GALM: variants seen among roughly 807,000 people sequenced by gnomAD.
The protein encoded by GALM is aldose 1-epimerase.
GALM carries 43 observed loss-of-function variants against 37.4 expected under a neutral mutation model. The ratio of observed to expected loss-of-function variants is 1.15; its 90% CI spans 0.90 to 1.48. The LOEUF is 1.48. Among genes scored for constraint, GALM ranks in the 40% most tolerant of loss-of-function variants. The pLI is 0.00. For synonymous variants in GALM, 199 were observed against 170.6 expected, an observed-to-expected ratio of 1.17 and a Z score of -1.30; for missense variants, 456 against 419.1, an observed-to-expected ratio of 1.09 and a Z score of -0.77.
At chr2:38,705,449 G>A (rs112471448) in intron 4 of GALM, among the ~76,000 whole-genome samples, 4 of 152,228 alleles carry the variant, frequency 2.6e-5, no homozygotes, top group African/African-American at 9.6e-5. Context: ...AGAACCTAAT[G>A]TGGTCAGAGC....
intron 4 of GALM, among the ~76,000 whole-genome samples, chr2:38,703,052 TTTTATA>T (rs1422166951): frequency 6.3e-5 from 2 of 31,664 alleles, no homozygotes; most frequent in African/African-American, 2.1e-4. Context: ...ATATGTGGGA[TTTTATA>T]TATATATATA....
intron 4 of GALM, among the ~76,000 whole-genome samples, chr2:38,717,105 C>T (rs1403298696): frequency 2.0e-5 from 3 of 152,018 alleles, no homozygotes; most frequent in Non-Finnish European, 4.4e-5. Flanking sequence ...ACAAAATTAG[C>T]TAGGCGTGGG....
At chr2:38,700,531 C>A (rs1452150327) in intron 4 of GALM, among the ~76,000 whole-genome samples, 1 of 151,952 alleles carries the variant, frequency 6.6e-6, no homozygotes, top group Non-Finnish European at 1.5e-5. Context: ...TCTGTTTCAT[C>A]TGATACAAGT....
At chr2:38,720,756 G>C (rs1666360123) in intron 4 of GALM, among the ~76,000 whole-genome samples, 1 of 152,182 alleles carries the variant, frequency 6.6e-6, no homozygotes, top group Non-Finnish European at 1.5e-5. Context: ...CTGTTGGCTG[G>C]AGGCCTTGCT....
chr2:38,677,756 G>C (rs1665293540), intron 2 of GALM, among the ~76,000 whole-genome samples: 1 of 152,124 alleles, frequency 6.6e-6, no homozygotes. Context: ...TGAAGCAGGG[G>C]GCACAGTAGG....
At chr2:38,715,293 T>G (rs1470994899) in intron 4 of GALM, among the ~76,000 whole-genome samples, 1 of 152,254 alleles carries the variant, frequency 6.6e-6, no homozygotes, top group Non-Finnish European at 1.5e-5. Context: ...TATACTTGGG[T>G]CTTGCTTTTA....
At chr2:38,706,351 G>A (rs1242758269) in intron 4 of GALM, among the ~76,000 whole-genome samples, 1 of 150,952 alleles carries the variant, frequency 6.6e-6, no homozygotes, top group East Asian at 2.0e-4. Flanking sequence ...TCTAAGCTGG[G>A]AACTGACCTG....
chr2:38,682,620 G>C (rs1215444510), intron 3 of GALM, among the ~76,000 whole-genome samples: 1 of 152,184 alleles, frequency 6.6e-6, no homozygotes, highest in Non-Finnish European at 1.5e-5. Flanking sequence ...AACAAGGCCA[G>C]GTGCTGTGGC....
chr2:38,698,283 A>T (rs1214357423), intron 4 of GALM: 2 of 555,982 alleles, frequency 3.6e-6, no homozygotes, highest in Non-Finnish European at 6.1e-6. Context: ...TCTGTAGATG[A>T]AATTCCGGCA....
At chr2:38,670,721 A>G (rs997311688) in intron 1 of GALM, among the ~76,000 whole-genome samples, 1 of 152,194 alleles carries the variant, frequency 6.6e-6, no homozygotes, top group African/African-American at 2.4e-5. Context: ...GCCCCCAAAT[A>G]CCATCTCTGA....
rs1196840557 is a variant in GALM at position 38,666,277 on chromosome 2, C to T, written c.116C>T (p.Thr39Met). The change falls in exon 1 of 7, where the codon ACG becomes ATG. Residue 39 changes from threonine (T) to methionine (M), a missense_variant. Physicochemically the swap from Thr to Met is moderately conservative, Grantham distance 81. Transcript: ENST00000272252. ...LRVDIISWGC[T>M]ITALEVKDRQ... Reference sequence around the variant, plus strand: ...GTGGACATCATCTCCTGGGGCTGCACGATCACAGCCCTAGAGGTCAAAGAC... The same window carrying T: ...GTGGACATCATCTCCTGGGGCTGCATGATCACAGCCCTAGAGGTCAAAGAC... The T allele has an allele frequency of 6.2e-7, 1 of 1,613,754 alleles. No individual in the cohort carries two copies. Among genetic ancestry groups the T allele is most frequent in the Admixed American group, 1.7e-5 (1 of 60,014 alleles).
At chr2:38,691,241 C>T (rs549498566) in intron 4 of GALM, among the ~76,000 whole-genome samples, 3 of 152,146 alleles carry the variant, frequency 2.0e-5, no homozygotes, top group African/African-American at 2.4e-5. Flanking sequence ...TCATGCTATC[C>T]GGTTGAGTTG....
rs1042364851 is a variant in GALM at position 38,733,699 on chromosome 2, A to C, written c.*134A>C. On this transcript the variant is annotated 3_prime_UTR_variant, in exon 7 of 7. Coordinates refer to ENST00000272252, the MANE Select transcript of GALM (RefSeq NM_138801.3). ...TCATACAAATGGTGGCTGTTCTGAG[A>C]ATCAGTCTGGGTATTGATTTCCTTT... is the stretch of plus-strand genomic sequence containing the variant. 2.7e-6 allele frequency: 2 copies of C among 732,272 alleles called. No homozygotes were observed. Among genetic ancestry groups the C allele is most frequent in the Admixed American group, 4.1e-5 (2 of 48,826 alleles). 45.4% of individuals were successfully genotyped at this position (732,272 alleles called of 1,614,324 possible). A position where few individuals can be genotyped will look rare whatever the true frequency, so the allele number is the denominator to read the frequency against.
chr2:38,686,277 T>TTTCTCTCTTTCTCTCTTTCTCTCTTTCTC (rs1558582155), intron 3 of GALM, among the ~76,000 whole-genome samples: 8 of 112,374 alleles, frequency 7.1e-5, no homozygotes, highest in Non-Finnish European at 1.3e-4. Flanking sequence ...TCTTTCTTTC[T>TTTCTCTCTTTCTCTCTTTCTCTCTTTCTC]TATTTTGAGA....
chr2:38,685,405 C>T (rs998015279), intron 3 of GALM, among the ~76,000 whole-genome samples: 1 of 152,192 alleles, frequency 6.6e-6, no homozygotes, highest in African/African-American at 2.4e-5. Flanking sequence ...TACCCTCCTG[C>T]TAGAGGTGAT....
At chr2:38,720,078 G>T (rs1572540629) in intron 4 of GALM, among the ~76,000 whole-genome samples, 2 of 151,986 alleles carry the variant, frequency 1.3e-5, no homozygotes, top group African/African-American at 4.8e-5. Flanking sequence ...CAGGCGCAAT[G>T]GCACACACTT....
chr2:38,720,013 G>A (rs1302878946), intron 4 of GALM, among the ~76,000 whole-genome samples: 1 of 151,716 alleles, frequency 6.6e-6, no homozygotes, highest in African/African-American at 2.4e-5. Flanking sequence ...ACCAGCCTGG[G>A]CAAGATGGTG....
chr2:38,686,310 G>A (rs1271405918), intron 3 of GALM, among the ~76,000 whole-genome samples: 1 of 110,350 alleles, frequency 9.1e-6, no homozygotes, highest in South Asian at 2.8e-4. Flanking sequence ...CTGTCTCCCA[G>A]GCTGGAGTGC....
chr2:38,697,882 A>G (rs1191519317), intron 4 of GALM, among the ~76,000 whole-genome samples: 2 of 151,964 alleles, frequency 1.3e-5, no homozygotes, highest in African/African-American at 4.8e-5. Flanking sequence ...AGGACCCACA[A>G]ATCTTTGGCA....
Sources: allele counts gnomAD v4.1 joint callset (sites outside exome capture counted in the v4.1 genomes callset), GRCh38; gene constraint gnomAD v4.1.1; transcripts MANE v1.5; gene names NCBI Gene and HGNC (gene_info 2026-07-23, HGNC 2026-07-21).